The following AGAP1 variants were observed in gnomAD, a reference collection of about 807,000 sequenced individuals.
AGAP1 encodes the protein ArfGAP with GTPase domain, ankyrin repeat and PH domain 1.
A neutral mutation model predicts 105.3 loss-of-function variants in AGAP1; 29 were observed. The ratio of observed to expected loss-of-function variants is 0.28; its 90% CI spans 0.21 to 0.38. The LOEUF is 0.38. AGAP1 is among the 10% of genes least tolerant of loss of function. AGAP1 has a pLI of 1.00. For synonymous variants in AGAP1, 509 were observed against 485.9 expected (o/e 1.05, Z -0.63); for missense variants, 998 against 1,165.1 (o/e 0.86, Z 2.09).
intron 9 of AGAP1, among the ~76,000 whole-genome samples, chr2:235,834,922 C>A (rs759775004): frequency 6.0e-4 from 92 of 152,224 alleles, no homozygotes; most frequent in Non-Finnish European, 2.6e-4. Context: ...AGACTCTATG[C>A]AGAAAACTTG....
At position 235,737,645 on chromosome 2, in the gene AGAP1, C is replaced by T. The variant is rs1157108787; in HGVS notation, c.311-3318C>T. 6.6e-6 allele frequency among the ~76,000 whole-genome samples: 1 copy of T among 152,186 alleles called. No homozygotes were observed. Among genetic ancestry groups the T allele is most frequent in the Non-Finnish European group, 1.5e-5 (1 of 68,036 alleles). On this transcript the variant is annotated intron_variant, in intron 3 of 17. Transcript: ENST00000304032. This position sits in a 1 kb window ranked among gnomAD's most constrained non-coding sequence, Gnocchi z 4.5. The stretch of plus-strand genomic sequence containing the variant: ...CAAAGGAGAGGATGGACGTGAAATC[C>T]GTCCTATGCATGCTCACCTGACATG...
Position 236,038,137 on chromosome 2 carries a change from A to G in AGAP1, c.1800+1422A>G, listed in dbSNP as rs1404006570. On this transcript the variant is annotated intron_variant, in intron 14 of 17. Coordinates refer to ENST00000304032, the MANE Select transcript of AGAP1 (RefSeq NM_001037131.3). This position sits in a 1 kb window ranked among gnomAD's most constrained non-coding sequence, Gnocchi z 4.5. The stretch of plus-strand genomic sequence containing the variant: ...GGGGAGAACCACTGCCTTTCATTCC[A>G]TACACCCTGGCTTTACTGGGTCACG... Among the ~76,000 whole-genome samples, 2 of 152,172 alleles carry G rather than the reference A, an allele frequency of 1.3e-5. No individual in the cohort carries two copies. Among genetic ancestry groups the G allele is most frequent in the African/African-American group, 4.8e-5 (2 of 41,444 alleles).
At chr2:235,986,867 T>C (rs1256813341) in intron 13 of AGAP1, among the ~76,000 whole-genome samples, 1 of 152,026 alleles carries the variant, frequency 6.6e-6, no homozygotes, top group Non-Finnish European at 1.5e-5. Context: ...TGCTGGACTC[T>C]TTTTGCCAGT....
rs1293349491 is a variant in AGAP1 at position 235,793,609 on chromosome 2, A to G, written c.674-4150A>G. The stretch of plus-strand genomic sequence containing the variant: ...CTGACAGGATGAAATGAGTTAATAG[A>G]TGGGAAGTGTGGGCCGCCTAGCCCT... On this transcript the variant is annotated intron_variant, in intron 6 of 17. Transcript: ENST00000304032. The surrounding 1 kb of genome is among the most constrained non-coding windows in gnomAD (Gnocchi z 5.3). Among the ~76,000 whole-genome samples, 2 of 152,020 alleles carry G rather than the reference A, an allele frequency of 1.3e-5. No individual in the cohort carries two copies. Among genetic ancestry groups the G allele is most frequent in the Non-Finnish European group, 2.9e-5 (2 of 68,010 alleles).
chr2:235,744,368 C>T lies in AGAP1; in HGVS notation c.397-330C>T, dbSNP rs1009866712. Among the ~76,000 whole-genome samples the T allele has an allele frequency of 4.6e-5, 7 of 152,108 alleles. No individual in the cohort carries two copies. Among genetic ancestry groups the T allele is most frequent in the Non-Finnish European group, 1.5e-5 (1 of 68,036 alleles). The stretch of plus-strand genomic sequence containing the variant: ...GGGTCTGGCCTTCTGTCTGCGGGGC[C>T]GCCTTGGCAGGTCGGGGCAGCGGGC... On this transcript the variant is annotated intron_variant, in intron 4 of 17. Coordinates refer to ENST00000304032, the MANE Select transcript of AGAP1 (RefSeq NM_001037131.3). The surrounding 1 kb of genome is among the most constrained non-coding windows in gnomAD (Gnocchi z 5.2).
intron 1 of AGAP1, among the ~76,000 whole-genome samples, chr2:235,542,585 C>G (rs947930329): frequency 3.4e-5 from 5 of 148,574 alleles, no homozygotes; most frequent in African/African-American, 5.3e-5. Context: ...TTGATGTGTC[C>G]ATTCAGATTA....
chr2:235,940,861 T>G (rs528699952), intron 12 of AGAP1, among the ~76,000 whole-genome samples: 214 of 152,276 alleles, frequency 1.4e-3, no homozygotes, highest in Non-Finnish European at 2.8e-3. Context: ...GCTGTGTCCA[T>G]CCCATCATCA....
In AGAP1 at chr2:235,733,970, A is replaced by G. The variant is rs1302374246; in HGVS notation, c.311-6993A>G. On this transcript the variant is annotated intron_variant, in intron 3 of 17. Coordinates refer to ENST00000304032, the MANE Select transcript of AGAP1 (RefSeq NM_001037131.3). The surrounding 1 kb of genome is among the most constrained non-coding windows in gnomAD (Gnocchi z 5.0). ...CAAAATTCCTTTTAAATGTCACAAT[A>G]CAAAACTTTTCCAAAACCCCAACAT... Among the ~76,000 whole-genome samples, 3 of 152,254 alleles carry G rather than the reference A, an allele frequency of 2.0e-5. No individual in the cohort carries two copies. Among genetic ancestry groups the G allele is most frequent in the African/African-American group, 7.2e-5 (3 of 41,468 alleles).
intron 13 of AGAP1, among the ~76,000 whole-genome samples, chr2:236,021,209 G>A (rs934498330): frequency 1.3e-5 from 2 of 151,422 alleles, no homozygotes; most frequent in African/African-American, 4.9e-5. Flanking sequence ...TTCAGATTTA[G>A]GAAACCCTTG....
rs911689218 is a variant in AGAP1 at position 235,601,344 on chromosome 2, A to G, written c.163+106495A>G. Among the ~76,000 whole-genome samples, 2 of 152,202 alleles carry G rather than the reference A, an allele frequency of 1.3e-5. No individual in the cohort carries two copies. Among genetic ancestry groups the G allele is most frequent in the African/African-American group, 4.8e-5 (2 of 41,462 alleles). On this transcript the variant is annotated intron_variant, in intron 1 of 17. Coordinates refer to ENST00000304032, the MANE Select transcript of AGAP1 (RefSeq NM_001037131.3). The surrounding 1 kb of genome is among the most constrained non-coding windows in gnomAD (Gnocchi z 4.4). Reference sequence around the variant, plus strand: ...AGGTTTGCTGTCTCTTCCTCTTGTTATAAGAACACCAGTTGTATTAGTCTG... The same window carrying G: ...AGGTTTGCTGTCTCTTCCTCTTGTTGTAAGAACACCAGTTGTATTAGTCTG...
In AGAP1 at chr2:235,989,450, G is replaced by C. The variant is rs1225262933; in HGVS notation, c.1645+20827G>C. Among the ~76,000 whole-genome samples, 1 of 152,036 alleles carries C rather than the reference G, an allele frequency of 6.6e-6. No homozygotes were observed. Among genetic ancestry groups the C allele is most frequent in the Non-Finnish European group, 1.5e-5 (1 of 68,002 alleles). ...CGCAGCTCGATGGTGATGAGTGTAG[G>C]GGAGAGGTGGGTGCTGGGACAGGAT... On this transcript the variant is annotated intron_variant, in intron 13 of 17. Transcript: ENST00000304032. This position sits in a 1 kb window ranked among gnomAD's most constrained non-coding sequence, Gnocchi z 4.4.
At chr2:236,088,597 T>C (rs1211236742) in intron 16 of AGAP1, among the ~76,000 whole-genome samples, 5 of 152,274 alleles carry the variant, frequency 3.3e-5, no homozygotes, top group Non-Finnish European at 5.9e-5. Context: ...GATGCTTTCA[T>C]GTTTACTGAT....
intron 7 of AGAP1, among the ~76,000 whole-genome samples, chr2:235,798,694 G>A (rs1470930504): frequency 1.3e-5 from 2 of 151,900 alleles, no homozygotes; most frequent in Non-Finnish European, 2.9e-5. Flanking sequence ...CCTGGGCAAC[G>A]TGGCAGAACC....
chr2:235,647,696 A>T (rs141537504), intron 1 of AGAP1, among the ~76,000 whole-genome samples: 1 of 152,128 alleles, frequency 6.6e-6, no homozygotes, highest in African/African-American at 2.4e-5. Flanking sequence ...CTGAGGAATC[A>T]CATTTTAATA....
rs2057650255 is a variant in AGAP1 at position 236,044,292 on chromosome 2, C to T, written c.1891+3451C>T. 6.6e-6 allele frequency among the ~76,000 whole-genome samples: 1 copy of T among 152,170 alleles called. No homozygotes were observed. Among genetic ancestry groups the T allele is most frequent in the African/African-American group, 2.4e-5 (1 of 41,448 alleles). On this transcript the variant is annotated intron_variant, in intron 15 of 17. Transcript: ENST00000304032. This position sits in a 1 kb window ranked among gnomAD's most constrained non-coding sequence, Gnocchi z 5.7. ...GTTTAGGGTGCCTGTTGCCTGCCTT[C>T]TGCCAGGAACATGCCAAGGAAAGTC...
intron 9 of AGAP1, among the ~76,000 whole-genome samples, chr2:235,876,814 C>A (rs1480114131): frequency 1.3e-5 from 2 of 152,114 alleles, no homozygotes; most frequent in Non-Finnish European, 2.9e-5. Flanking sequence ...CCATTCTAGA[C>A]CAGTCTTTCC....
In AGAP1 at chr2:235,976,423, G is replaced by A. The variant is rs1423878293; in HGVS notation, c.1645+7800G>A. 6.6e-6 allele frequency among the ~76,000 whole-genome samples: 1 copy of A among 152,212 alleles called. No homozygotes were observed. The highest frequency in any genetic ancestry group is 1.5e-5 in the Non-Finnish European group (1 of 68,046). ...GCTCTCAGATCCTTTGTGGAAGCCA[G>A]CAGGTCGGAAATAAACAAAGATGAG... is the stretch of plus-strand genomic sequence containing the variant. On this transcript the variant is annotated intron_variant, in intron 13 of 17. Coordinates refer to ENST00000304032, the MANE Select transcript of AGAP1 (RefSeq NM_001037131.3). This position sits in a 1 kb window ranked among gnomAD's most constrained non-coding sequence, Gnocchi z 4.5.
intron 1 of AGAP1, among the ~76,000 whole-genome samples, chr2:235,545,207 T>C (rs1943584270): frequency 6.6e-6 from 1 of 152,188 alleles, no homozygotes; most frequent in Non-Finnish European, 1.5e-5. Flanking sequence ...AATAGTGCCA[T>C]TGAGGAAAAT....
At chr2:235,619,628 C>G (rs1025636901) in intron 1 of AGAP1, among the ~76,000 whole-genome samples, 1 of 152,186 alleles carries the variant, frequency 6.6e-6, no homozygotes. Context: ...AGAAGAGGCT[C>G]CCTGCAGATG....
Sources: gnomAD v4.1 joint callset for allele counts (sites outside exome capture counted in the v4.1 genomes callset) on GRCh38, gnomAD v4.1.1 for gene constraint, Gnocchi (gnomAD v3.1) non-coding constraint, MANE v1.5 for transcripts, NCBI Gene and HGNC (gene_info 2026-07-23, HGNC 2026-07-21) for gene names.